The following FAP variants were observed in gnomAD, a reference collection of about 807,000 sequenced individuals.
FAP encodes fibroblast activation protein alpha, also known as prolyl endopeptidase FAP.
FAP carries 110 observed loss-of-function variants against 126.5 expected under a neutral mutation model. That is an observed-to-expected ratio of 0.87 (90% confidence interval 0.74 to 1.02). The LOEUF is 1.02. FAP is among the 50% of genes least tolerant of loss of function. The probability of loss-of-function intolerance (pLI) is 0.00; values close to 1 mark genes in which losing one functional copy is unlikely to be tolerated. For synonymous variants in FAP, 334 were observed against 297.3 expected (o/e 1.12, Z -1.27); for missense variants, 919 against 909.2 (o/e 1.01, Z -0.14).
chr2:162,240,095 C>T (rs1216049450), intron 2 of FAP, among the ~76,000 whole-genome samples: 1 of 151,804 alleles, frequency 6.6e-6, no homozygotes, highest in Non-Finnish European at 1.5e-5. Flanking sequence ...AGAAGAACCT[C>T]AAAAGAAAAA....
chr2:162,202,971 G>A, intron 13 of FAP, 29 bp from the exon 14 acceptor site: 1 of 1,606,176 alleles, frequency 6.2e-7, no homozygotes, highest in Non-Finnish European at 8.5e-7. Context: ...TATGTTGTGT[G>A]AAACTGAGCG....
At chr2:162,220,006 TAAAC>T (rs1226254741) in intron 6 of FAP, 81 bp from the exon 7 acceptor site, 17 of 954,650 alleles carry the variant, frequency 1.8e-5, no homozygotes, top group Non-Finnish European at 2.6e-5. Flanking sequence ...ACAGAAAAAA[TAAAC>T]AAACAATGAA....
intron 9 of FAP, 70 bp downstream of exon 9, chr2:162,217,916 T>C (rs1689215944): frequency 1.6e-6 from 2 of 1,263,044 alleles, no homozygotes; most frequent in East Asian, 2.5e-5. Context: ...ATCCCACCTT[T>C]ACTCATGGTA....
intron 15 of FAP, among the ~76,000 whole-genome samples, 188 bp downstream of exon 15, chr2:162,200,378 T>G (rs950191535): frequency 6.6e-6 from 1 of 152,198 alleles, no homozygotes; most frequent in African/African-American, 2.4e-5. Context: ...AAAACAAATA[T>G]TTTGAATTGG....
chr2:162,172,952 C>T (rs531587120), intron 24 of FAP, 68 bp from the exon 25 acceptor site: 19 of 1,297,956 alleles, frequency 1.5e-5, no homozygotes, highest in Non-Finnish European at 2.1e-5. Context: ...CAATGTACTG[C>T]CTGGAAATGA....
At chr2:162,188,511 TC>T in intron 19 of FAP, 148 bp from the exon 20 acceptor site, 1 of 726,400 alleles carries the variant, frequency 1.4e-6, no homozygotes, top group Non-Finnish European at 2.2e-6. Flanking sequence ...TCAAGAGGAG[TC>T]CAGGCTTTTC....
chr2:162,221,638 T>TA (rs1689403742), intron 6 of FAP: 1 of 456,480 alleles, frequency 2.2e-6, no homozygotes, highest in African/African-American at 2.0e-5. Context: ...ACAGTGGAAT[T>TA]ATCTATGCAA....
chr2:162,239,920 T>C (rs746975118), intron 2 of FAP, among the ~76,000 whole-genome samples: 15 of 152,332 alleles, frequency 9.8e-5, no homozygotes, highest in South Asian at 2.1e-4. Flanking sequence ...TCTGTAACTT[T>C]TCACTTCTAG....
In FAP at chr2:162,189,138, A is replaced by C; in HGVS notation, c.1584T>G (p.Phe528Leu). ...LWYKMILPPQFDRSKKYPLLI... is the reference protein window; with the variant it reads ...LWYKMILPPQLDRSKKYPLLI... ...GCAAGGGATACTTCTTTGATCTGTC[A>C]AATTGAGGAGGAAGAATCATCTTGT... The change falls in exon 19 of 26, where the codon TTT (phenylalanine) becomes TTG (leucine). Residue 528 changes from phenylalanine to leucine, a missense_variant. By Grantham distance (22) the Phe-to-Leu change is conservative. Coordinates refer to ENST00000188790, the MANE Select transcript of FAP (RefSeq NM_004460.5). The C allele has an allele frequency of 6.2e-7, 1 of 1,604,478 alleles. No homozygotes were observed. The highest frequency in any genetic ancestry group is 8.5e-7 in the Non-Finnish European group (1 of 1,174,762).
intron 12 of FAP, chr2:162,209,498 A>G (rs1346392923): frequency 6.5e-6 from 1 of 154,598 alleles, no homozygotes; most frequent in Non-Finnish European, 1.4e-5. Flanking sequence ...GAAGGAGTAT[A>G]CATACATGAA....
At chr2:162,184,896 A>T (rs1687810525) in intron 20 of FAP, among the ~76,000 whole-genome samples, 2 of 152,144 alleles carry the variant, frequency 1.3e-5, no homozygotes, top group Admixed American at 1.3e-4. Context: ...AAGAGCAAAT[A>T]ACAGGTGATA....
At chr2:162,224,260 T>C (rs1315584421) in intron 5 of FAP, among the ~76,000 whole-genome samples, 1 of 152,176 alleles carries the variant, frequency 6.6e-6, no homozygotes, top group African/African-American at 2.4e-5. Flanking sequence ...GCAAGTATTA[T>C]TTTGGACTCT....
chr2:162,208,324 G>T (rs1419637318), intron 12 of FAP, among the ~76,000 whole-genome samples: 1 of 151,748 alleles, frequency 6.6e-6, no homozygotes, highest in African/African-American at 2.4e-5. Context: ...TGATGGGAAT[G>T]CAAGTTTAGT....
intron 21 of FAP, among the ~76,000 whole-genome samples, chr2:162,179,790 CTA>C (rs10657426): frequency 0.26 from 29,145 of 113,926 alleles, 3,138 homozygotes; most frequent in East Asian, 0.53. Flanking sequence ...ATCTATCTAT[CTA>C]TATATATATA....
intron 25 of FAP, chr2:162,172,490 G>T (rs1281603718): frequency 1.8e-5 from 4 of 226,140 alleles, no homozygotes; most frequent in Admixed American, 1.5e-4. Flanking sequence ...CTCAGGTTTT[G>T]CAGGGACTCT....
At chr2:162,203,000 G>C (rs776372018) in intron 13 of FAP, 41 bp downstream of exon 13, 5 of 1,583,508 alleles carry the variant, frequency 3.2e-6, no homozygotes, top group Non-Finnish European at 4.3e-6. Context: ...GCAACCTCAA[G>C]TGAATGATCT....
At chr2:162,215,758 T>G (rs1202782833) in intron 10 of FAP, 140 bp downstream of exon 10, 2 of 603,314 alleles carry the variant, frequency 3.3e-6, no homozygotes, top group African/African-American at 3.8e-5. Flanking sequence ...TTAAGGAAAC[T>G]TATTTGTCAA....
chr2:162,221,417 T>A (rs1296893930), intron 6 of FAP, among the ~76,000 whole-genome samples: 1 of 151,444 alleles, frequency 6.6e-6, no homozygotes, highest in African/African-American at 2.4e-5. Flanking sequence ...CCTAGCTACT[T>A]AGGAGGCTGA....
At chr2:162,226,446 T>C (rs774125657) in intron 3 of FAP, 77 bp downstream of exon 3, 10 of 671,036 alleles carry the variant, frequency 1.5e-5, no homozygotes, top group Non-Finnish European at 2.6e-5. Flanking sequence ...TCAGTTACTA[T>C]AGAGATGTAT....
Sources: allele counts gnomAD v4.1 joint callset (sites outside exome capture counted in the v4.1 genomes callset), GRCh38; gene constraint gnomAD v4.1.1; transcripts MANE v1.5; gene names NCBI Gene and HGNC (gene_info 2026-07-23, HGNC 2026-07-21).